OSCAR: variants seen among roughly 807,000 people sequenced by gnomAD.
OSCAR encodes osteoclast associated Ig-like receptor, also known as osteoclast-associated immunoglobulin-like receptor.
In OSCAR, 25 loss-of-function variants were observed where a neutral mutation model predicts 27.3. The observed-to-expected ratio is 0.92, with a 90% confidence interval of 0.67 to 1.28. The LOEUF (loss-of-function observed/expected upper bound fraction) is 1.28. Ranked by LOEUF, OSCAR falls within the 50% of genes most tolerant of loss-of-function variation. OSCAR has a pLI of 0.00. For synonymous variants in OSCAR, 158 were observed against 165.7 expected (o/e 0.95, Z 0.36); for missense variants, 354 against 355.1 (o/e 1.00, Z 0.03).
At chr19:54,099,670 T>C in intron 2 of OSCAR, 78 bp downstream of exon 2, 3 of 1,613,744 alleles carry the variant, frequency 1.9e-6, no homozygotes, top group Non-Finnish European at 1.7e-6. Context: ...GGGATGGGAT[T>C]GGGCACCAAA....
chr19:54,099,463 G>A, intron 2 of OSCAR: 1 of 960,432 alleles, frequency 1.0e-6, no homozygotes, highest in Non-Finnish European at 1.7e-6. Context: ...TTACAGAGAA[G>A]GAAATGGAGT....
At chr19:54,100,350 G>C (rs975820261) in intron 1 of OSCAR, among the ~76,000 whole-genome samples, 3 of 152,126 alleles carry the variant, frequency 2.0e-5, no homozygotes, top group Non-Finnish European at 2.9e-5. Flanking sequence ...CCTTTCCAGG[G>C]AACAATGATC....
At chr19:54,097,346 A>T (rs1292105460) in intron 2 of OSCAR, among the ~76,000 whole-genome samples, 182 bp from the exon 3 acceptor site, 5 of 152,112 alleles carry the variant, frequency 3.3e-5, no homozygotes, top group Non-Finnish European at 7.3e-5. Context: ...CCAGGTGCAA[A>T]TCAGAGGGGC....
At chr19:54,096,780 GTC>G (rs760581782) in intron 3 of OSCAR, 80 bp downstream of exon 3, 30 of 1,454,886 alleles carry the variant, frequency 2.1e-5, no homozygotes, top group Admixed American at 6.3e-5. Flanking sequence ...GCCTCGCTCT[GTC>G]TCTCTTTCCC....
Position 54,095,968 on chromosome 19 carries a change from C to A in OSCAR, c.559G>T (p.Ala187Ser), listed in dbSNP as rs745645597. 3.1e-6 allele frequency: 5 copies of A among 1,589,540 alleles called. No homozygotes were observed. In the Admixed American group the frequency reaches 5.4e-5, roughly 17 times the overall value. The change falls in exon 4 of 5, where the codon GCC becomes TCC. Residue 187 changes from alanine to serine, a missense_variant. Physicochemically the swap from Ala to Ser is moderately conservative, Grantham distance 99. Coordinates refer to ENST00000358375, the MANE Select transcript of OSCAR (RefSeq NM_133169.6). ...QPWADFTLLG[A>S]RAPGTYSCYY... ...CAGCTGTAGGTGCCGGGGGCGCGGGCGCCCAGCAGCGTGAAGTCGGCCCAG... is the reference window on the plus strand; with the variant it reads ...CAGCTGTAGGTGCCGGGGGCGCGGGAGCCCAGCAGCGTGAAGTCGGCCCAG...
At chr19:54,099,071 G>GTT (rs1330778257) in intron 2 of OSCAR, among the ~76,000 whole-genome samples, 238 of 151,254 alleles carry the variant, frequency 1.6e-3, no homozygotes, top group African/African-American at 5.5e-3. Context: ...TTGTTTGTTT[G>GTT]TTTGTTTTTG....
chr19:54,096,448 C>T (rs2072715903), intron 3 of OSCAR, among the ~76,000 whole-genome samples: 1 of 143,482 alleles, frequency 7.0e-6, no homozygotes, highest in African/African-American at 2.7e-5. Flanking sequence ...CTCTGCCTGC[C>T]TCTCTCTCTG....
intron 3 of OSCAR, 151 bp downstream of exon 3, chr19:54,096,711 C>T (rs1306950357): frequency 7.1e-6 from 6 of 850,380 alleles, no homozygotes; most frequent in Non-Finnish European, 1.1e-5. Context: ...CCCTGTCTCT[C>T]TCTCTCCCCC....
rs2073007533 is a variant in OSCAR, at chr19:54,100,797, G to C, written c.-5C>G. 6.4e-7 allele frequency: 1 copy of C among 1,551,956 alleles called. No individual in the cohort carries two copies. Among genetic ancestry groups the C allele is most frequent in the Non-Finnish European group, 8.7e-7 (1 of 1,147,124 alleles). ...GAGGATCAGCACCAGGGCCATGGTGGGCAGATACCCGCTAGAGCTGGAGCC... is the reference window on the plus strand; with the variant it reads ...GAGGATCAGCACCAGGGCCATGGTGCGCAGATACCCGCTAGAGCTGGAGCC... On this transcript the variant is annotated 5_prime_UTR_variant, in exon 1 of 5. Coordinates refer to ENST00000358375, the MANE Select transcript of OSCAR (RefSeq NM_133169.6).
In OSCAR at chr19:54,095,365, C is replaced by G; in HGVS notation, c.656-8G>C. 6 of 1,553,218 alleles carry G rather than the reference C, an allele frequency of 3.9e-6. No individual in the cohort carries two copies. The highest frequency in any genetic ancestry group is 4.4e-6 in the Non-Finnish European group (5 of 1,148,980). ...AGTCGGAGGAGCCAGAGTCTGCGGG[C>G]GGAGCCGGGAGAGAGGGGCCATCAG... On this transcript the variant is annotated splice_region_variant and splice_polypyrimidine_tract_variant and intron_variant, in intron 4 of 4. Coordinates refer to ENST00000358375, the MANE Select transcript of OSCAR (RefSeq NM_133169.6).
chr19:54,097,063 G>A lies in OSCAR; in HGVS notation c.172C>T (p.Pro58Ser). 1 of 1,614,202 alleles carries A rather than the reference G, an allele frequency of 6.2e-7. No homozygotes were observed. The highest frequency in any genetic ancestry group is 8.5e-7 in the Non-Finnish European group (1 of 1,180,032). ...TTGAAAAGTCCAAATCTCCAAGCGG[G>A]TTGGGGTGCCCGGCATCTCAAGGTC... is the stretch of plus-strand genomic sequence containing the variant. ...NVTLRCRAPQ[P>S]AWRFGLFKPG... Residue 58 changes from proline to serine, a missense_variant, in exon 3 of 5, where the codon CCC (proline) becomes TCC (serine). Coordinates refer to ENST00000358375, the MANE Select transcript of OSCAR (RefSeq NM_133169.6).
chr19:54,095,357 T>C lies in OSCAR; in HGVS notation c.656A>G (p.Asp219Gly). Reference sequence around the variant, plus strand: ...CCGGGTGTAGTCGGAGGAGCCAGAGTCTGCGGGCGGAGCCGGGAGAGAGGG... The same window carrying C: ...CCGGGTGTAGTCGGAGGAGCCAGAGCCTGCGGGCGGAGCCGGGAGAGAGGG... ...RSEVLVISWE[D>G]SGSSDYTRGN... The change falls in exon 5 of 5, where the codon GAC becomes GGC. Residue 219 changes from aspartate (D) to glycine (G), a missense_variant and splice_region_variant. By Grantham distance (94) the Asp-to-Gly change is moderately conservative. Transcript: ENST00000358375. 6.4e-7 allele frequency: 1 copy of C among 1,557,048 alleles called. No homozygotes were observed. The highest frequency in any genetic ancestry group is 8.7e-7 in the Non-Finnish European group (1 of 1,150,936).
chr19:54,099,113 A>G (rs1462476755), intron 2 of OSCAR, among the ~76,000 whole-genome samples: 1 of 149,774 alleles, frequency 6.7e-6, no homozygotes, highest in Non-Finnish European at 1.5e-5. Flanking sequence ...CCCAGGCTGG[A>G]GTGCAGTGGC....
chr19:54,099,633 G>T, intron 2 of OSCAR, 115 bp downstream of exon 2: 1 of 1,613,500 alleles, frequency 6.2e-7, no homozygotes, highest in Non-Finnish European at 8.5e-7. Flanking sequence ...GGAAGGAATG[G>T]AGGGAGGGAG....
rs199909610 is a variant in OSCAR, at chr19:54,096,021, G to A, written c.506C>T (p.Pro169Leu). ...FVLYREGVAAPLQYRHSAQPW... is the reference protein window; with the variant it reads ...FVLYREGVAALLQYRHSAQPW... ...CTGCGCGGAGTGGCGGTACTGCAGC[G>A]GGGCCGCCACGCCCTCGCGGTACAG... The change falls in exon 4 of 5, where the codon CCG becomes CTG. Residue 169 changes from proline to leucine, a missense_variant. Physicochemically the swap from Pro to Leu is moderately conservative, Grantham distance 98. Transcript: ENST00000358375. 1,183 of 1,569,158 alleles carry A rather than the reference G, an allele frequency of 7.5e-4. No homozygotes were observed. Among genetic ancestry groups the A allele is most frequent in the Non-Finnish European group, 9.5e-4 (1,106 of 1,159,736 alleles).
intron 2 of OSCAR, 199 bp downstream of exon 2, chr19:54,099,549 T>G (rs2072937718): frequency 1.3e-6 from 2 of 1,531,580 alleles, no homozygotes; most frequent in African/African-American, 1.4e-5. Flanking sequence ...AGGTCCTAGC[T>G]TAGGCCTCTG....
chr19:54,098,658 C>T (rs111529818), intron 2 of OSCAR, among the ~76,000 whole-genome samples: 129 of 151,698 alleles, frequency 8.5e-4, no homozygotes, highest in African/African-American at 2.8e-3. Flanking sequence ...TACTCCAGCC[C>T]GGGTGACACA....
chr19:54,099,768 T>C lies in OSCAR; in HGVS notation c.50A>G (p.His17Arg). 6.2e-7 allele frequency: 1 copy of C among 1,612,952 alleles called. No homozygotes were observed. The highest frequency in any genetic ancestry group is 8.5e-7 in the Non-Finnish European group (1 of 1,179,744). The change falls in exon 2 of 5, where the codon CAC becomes CGC. Residue 17 changes from histidine to arginine, a missense_variant. His to Arg is a conservative substitution (Grantham distance 29). Transcript: ENST00000358375. ...LQLLTLWPLC[H>R]TDITPSVPPA... ...CTCACCAGACGGAGTGATGTCTGTG[T>C]GACACAGAGGCCCTGTAGGAGGTTG...
intron 4 of OSCAR, 127 bp downstream of exon 4, chr19:54,095,745 T>A: frequency 7.0e-7 from 1 of 1,425,214 alleles, no homozygotes; most frequent in Non-Finnish European, 9.5e-7. Flanking sequence ...GAGGAGGGGC[T>A]GCAGGACTAG....
Sources: allele counts gnomAD v4.1 joint callset (sites outside exome capture counted in the v4.1 genomes callset), GRCh38; gene constraint gnomAD v4.1.1; transcripts MANE v1.5; gene names NCBI Gene and HGNC (gene_info 2026-07-23, HGNC 2026-07-21).